The following PDZRN3 variants were observed in gnomAD, a reference collection of about 807,000 sequenced individuals.
PDZRN3 encodes PDZ domain containing ring finger 3, also known as E3 ubiquitin-protein ligase PDZRN3.
PDZRN3 carries 38 observed loss-of-function variants against 85.7 expected under a neutral mutation model. That is an observed-to-expected ratio of 0.44 (90% CI 0.34 to 0.58). PDZRN3 has a LOEUF of 0.58. Among genes scored for constraint, PDZRN3 ranks in the 20% least tolerant of loss-of-function variants. The pLI is 0.01. For synonymous variants in PDZRN3, 759 were observed against 638.0 expected (o/e 1.19, Z -2.86); for missense variants, 1,629 against 1,506.4 (o/e 1.08, Z -1.35).
intron 5 of PDZRN3, among the ~76,000 whole-genome samples, chr3:73,395,998 A>C (rs1413022885): frequency 6.6e-6 from 1 of 152,138 alleles, no homozygotes. Flanking sequence ...CATTGCAGAC[A>C]GATCACTTGA....
chr3:73,497,312 C>T lies in PDZRN3; in HGVS notation c.919-92917G>A, dbSNP rs1477744821. 2.6e-5 allele frequency among the ~76,000 whole-genome samples: 4 copies of T among 152,074 alleles called. No homozygotes were observed. The East Asian group carries it at 7.7e-4, about 29-fold the overall frequency. ...GAAACAGCTTCTGTGGGATTTTGGTCCTGCTTTTCTTGGTGTATTTATCAA... is the reference window on the plus strand; with the variant it reads ...GAAACAGCTTCTGTGGGATTTTGGTTCTGCTTTTCTTGGTGTATTTATCAA... On this transcript the variant is annotated intron_variant, in intron 3 of 9. Coordinates refer to ENST00000263666, the MANE Select transcript of PDZRN3 (RefSeq NM_015009.3).
intron 3 of PDZRN3, among the ~76,000 whole-genome samples, chr3:73,545,941 G>C (rs1701413958): frequency 6.6e-6 from 1 of 152,104 alleles, no homozygotes. Flanking sequence ...AAAGCTAAAA[G>C]GCCCAGGTCA....
At chr3:73,552,476 G>A (rs1450408652) in intron 3 of PDZRN3, among the ~76,000 whole-genome samples, 5 of 152,086 alleles carry the variant, frequency 3.3e-5, no homozygotes, top group Admixed American at 3.3e-4. Context: ...TAAAATTAGG[G>A]TGTTTTCTTC....
At chr3:73,416,617 C>G (rs1428318928) in intron 3 of PDZRN3, among the ~76,000 whole-genome samples, 5 of 152,082 alleles carry the variant, frequency 3.3e-5, no homozygotes, top group Non-Finnish European at 4.4e-5. Flanking sequence ...TATCTCCCCC[C>G]ACAGGAAGGT....
At chr3:73,598,072 A>C (rs1038700723) in intron 3 of PDZRN3, among the ~76,000 whole-genome samples, 2 of 152,174 alleles carry the variant, frequency 1.3e-5, no homozygotes, top group African/African-American at 4.8e-5. Flanking sequence ...AATAACTTTC[A>C]GTAGAGTAAG....
At chr3:73,459,009 GAAAAAAA>G (rs1484390392) in intron 3 of PDZRN3, among the ~76,000 whole-genome samples, 2 of 137,230 alleles carry the variant, frequency 1.5e-5, no homozygotes, top group African/African-American at 5.2e-5. Flanking sequence ...AAAAAAAAAA[GAAAAAAA>G]AGAAAAAAGA....
chr3:73,560,560 C>A (rs1701795157), intron 3 of PDZRN3, among the ~76,000 whole-genome samples: 1 of 152,194 alleles, frequency 6.6e-6, no homozygotes. Flanking sequence ...ACACATTTTG[C>A]TCCATTGAGA....
At chr3:73,527,586 TG>T (rs961033284) in intron 3 of PDZRN3, among the ~76,000 whole-genome samples, 4 of 151,192 alleles carry the variant, frequency 2.6e-5, no homozygotes, top group Non-Finnish European at 5.9e-5. Context: ...ATCTAGGACA[TG>T]AAAAAAAAAA....
chr3:73,458,995 C>CAAAAAAAA (rs35284667), intron 3 of PDZRN3, among the ~76,000 whole-genome samples: 1 of 124,146 alleles, frequency 8.1e-6, no homozygotes, highest in Non-Finnish European at 1.7e-5. Flanking sequence ...CCATCTCAAA[C>CAAAAAAAA]AAAAAAAAAA....
At chr3:73,441,411 C>CA (rs10656791) in intron 3 of PDZRN3, among the ~76,000 whole-genome samples, 5,071 of 68,110 alleles carry the variant, frequency 0.074, 238 homozygotes, top group African/African-American at 0.18. Context: ...GACTCTGTCC[C>CA]AAAAAAAAAA....
chr3:73,450,820 GAAGCCTTAATTCTTTTCA>G (rs1559686131), intron 3 of PDZRN3, among the ~76,000 whole-genome samples: 1 of 152,038 alleles, frequency 6.6e-6, no homozygotes, highest in Non-Finnish European at 1.5e-5. Context: ...CTGCCCATCA[GAAGCCTTAATTCTTTTCA>G]CCCTCTGGAT....
chr3:73,511,559 G>A lies in PDZRN3; in HGVS notation c.918+90795C>T, dbSNP rs148019127. 3.9e-3 allele frequency among the ~76,000 whole-genome samples: 589 copies of A among 152,230 alleles called. 6 individuals are homozygous for A. Among genetic ancestry groups the A allele is most frequent in the African/African-American group, 0.013 (551 of 41,538 alleles). ...TCCTAGAGAAGATGATTTGCTGCAC[G>A]CCTCCCCCTACAATCCCAACCCGGA... On this transcript the variant is annotated intron_variant, in intron 3 of 9. Transcript: ENST00000263666.
intron 3 of PDZRN3, among the ~76,000 whole-genome samples, chr3:73,566,563 T>C (rs1701953657): frequency 6.6e-6 from 1 of 152,224 alleles, no homozygotes; most frequent in Non-Finnish European, 1.5e-5. Flanking sequence ...GGTATGGCAA[T>C]GACTACTTAT....
In PDZRN3 at chr3:73,393,340, TCTACTA is replaced by T. The variant is rs148277626; in HGVS notation, c.1255-2230_1255-2225del. ...AAGATTCTACAGTTCTACTGGACTT[TCTACTA>T]CTACTACTACTACTACTGCTACTCA... is the stretch of plus-strand genomic sequence containing the variant. On this transcript the variant is annotated intron_variant, in intron 5 of 9. Coordinates refer to ENST00000263666, the MANE Select transcript of PDZRN3 (RefSeq NM_015009.3). 1.2e-3 allele frequency among the ~76,000 whole-genome samples: 188 copies of T among 151,992 alleles called. 2 individuals are homozygous for T. The highest frequency in any genetic ancestry group is 4.3e-3 in the African/African-American group (178 of 41,464).
At chr3:73,483,406 T>C (rs1036100735) in intron 3 of PDZRN3, among the ~76,000 whole-genome samples, 2 of 152,216 alleles carry the variant, frequency 1.3e-5, no homozygotes, top group South Asian at 4.1e-4. Flanking sequence ...TGCTGTTGGC[T>C]GTCCCAGGGA....
intron 3 of PDZRN3, among the ~76,000 whole-genome samples, chr3:73,598,231 C>T (rs1180270037): frequency 6.6e-6 from 1 of 151,956 alleles, no homozygotes; most frequent in African/African-American, 2.4e-5. Context: ...GAGCATAGTT[C>T]CTTTAAGAAA....
chr3:73,499,880 A>T, intron 3 of PDZRN3, among the ~76,000 whole-genome samples: 1 of 152,184 alleles, frequency 6.6e-6, no homozygotes, highest in East Asian at 1.9e-4. Flanking sequence ...CATTATTGTG[A>T]TGATGAAATG....
intron 3 of PDZRN3, among the ~76,000 whole-genome samples, chr3:73,530,017 CATCATT>C (rs1276092991): frequency 1.1e-4 from 17 of 152,206 alleles, no homozygotes; most frequent in African/African-American, 3.9e-4. Flanking sequence ...CCATCATCAT[CATCATT>C]ATTAGCATGA....
chr3:73,550,850 T>C (rs574408643), intron 3 of PDZRN3, among the ~76,000 whole-genome samples: 86 of 152,324 alleles, frequency 5.6e-4, no homozygotes, highest in African/African-American at 2.1e-3. Context: ...AGCAGATTTG[T>C]TGGAACAAGG....
Sources: allele counts gnomAD v4.1 joint callset (sites outside exome capture counted in the v4.1 genomes callset), GRCh38; gene constraint gnomAD v4.1.1; transcripts MANE v1.5; gene names NCBI Gene and HGNC (gene_info 2026-07-23, HGNC 2026-07-21).